Variants in XRCC4 observed in about 807,000 individuals in gnomAD.
The protein encoded by XRCC4 is X-ray repair cross complementing 4, also known as DNA repair protein XRCC4.
Under a neutral mutation model 39.1 loss-of-function variants are expected in XRCC4, and 28 were observed. That is an observed-to-expected ratio of 0.72 (90% CI 0.53 to 0.98). The LOEUF (loss-of-function observed/expected upper bound fraction) is 0.98, where lower values mean the gene tolerates loss of function less well. Ranked by LOEUF, XRCC4 falls within the 50% of genes least tolerant of loss-of-function variation. The probability of loss-of-function intolerance (pLI) is 0.00; values close to 1 mark genes in which losing one functional copy is unlikely to be tolerated. For missense variants in XRCC4, 350 were observed against 376.4 expected, an observed-to-expected ratio of 0.93 and a Z score of 0.58; for synonymous variants, 123 against 126.4, an observed-to-expected ratio of 0.97 and a Z score of 0.18.
chr5:83,224,203 G>T (rs761149832), intron 6 of XRCC4, among the ~76,000 whole-genome samples: 1 of 151,892 alleles, frequency 6.6e-6, no homozygotes, highest in Admixed American at 6.6e-5. Flanking sequence ...TGGATAATTC[G>T]TTCCCTTCTT....
At chr5:83,178,008 A>T (rs1161228525) in intron 3 of XRCC4, among the ~76,000 whole-genome samples, 1 of 152,134 alleles carries the variant, frequency 6.6e-6, no homozygotes, top group Non-Finnish European at 1.5e-5. Flanking sequence ...TGTAATTGAG[A>T]TTGAGATAAG....
At chr5:83,339,819 T>C (rs1756701182) in intron 7 of XRCC4, among the ~76,000 whole-genome samples, 1 of 152,170 alleles carries the variant, frequency 6.6e-6, no homozygotes, top group South Asian at 2.1e-4. Flanking sequence ...ACCATTGTAG[T>C]GAAACACAGC....
chr5:83,117,889 TC>T (rs985336397), intron 3 of XRCC4, among the ~76,000 whole-genome samples: 3 of 151,946 alleles, frequency 2.0e-5, no homozygotes, highest in Admixed American at 2.0e-4. Context: ...CCTGGTGCTC[TC>T]CCCTTGCCTG....
intron 7 of XRCC4, among the ~76,000 whole-genome samples, chr5:83,333,311 T>A (rs1052723769): frequency 1.3e-5 from 2 of 152,204 alleles, no homozygotes; most frequent in African/African-American, 4.8e-5. Flanking sequence ...AAAATGTCAA[T>A]ACCATAATGA....
At chr5:83,337,298 C>T (rs1232327159) in intron 7 of XRCC4, among the ~76,000 whole-genome samples, 2 of 152,116 alleles carry the variant, frequency 1.3e-5, no homozygotes, top group Non-Finnish European at 2.9e-5. Flanking sequence ...AAGATGTCCA[C>T]AATTAAGTCT....
At chr5:83,325,174 T>A (rs1019788667) in intron 7 of XRCC4, among the ~76,000 whole-genome samples, 2 of 152,118 alleles carry the variant, frequency 1.3e-5, no homozygotes, top group Non-Finnish European at 1.5e-5. Context: ...AGCATGCTGT[T>A]TTTTAGAGTC....
At chr5:83,314,562 G>A (rs140923568) in intron 7 of XRCC4, among the ~76,000 whole-genome samples, 64 of 152,068 alleles carry the variant, frequency 4.2e-4, no homozygotes, top group African/African-American at 1.4e-3. Flanking sequence ...GAACATCTCC[G>A]GCAACCCTGT....
At chr5:83,192,401 G>T (rs1750751039) in intron 3 of XRCC4, among the ~76,000 whole-genome samples, 1 of 150,576 alleles carries the variant, frequency 6.6e-6, no homozygotes, top group Non-Finnish European at 1.5e-5. Context: ...TCTGCCTCTT[G>T]GGTTCAAGCA....
intron 7 of XRCC4, among the ~76,000 whole-genome samples, chr5:83,263,415 T>G (rs1365305343): frequency 4.0e-5 from 6 of 151,478 alleles, no homozygotes; most frequent in South Asian, 4.2e-4. Context: ...CTGAGGAATC[T>G]CCACACTGAC....
intron 3 of XRCC4, among the ~76,000 whole-genome samples, chr5:83,185,574 A>G (rs1056580015): frequency 1.3e-5 from 2 of 151,816 alleles, no homozygotes; most frequent in African/African-American, 4.8e-5. Flanking sequence ...TCTTGGTAAA[A>G]CTAGATGATG....
intron 6 of XRCC4, among the ~76,000 whole-genome samples, chr5:83,218,965 A>G (rs1751977542): frequency 6.6e-6 from 1 of 152,138 alleles, no homozygotes; most frequent in Non-Finnish European, 1.5e-5. Context: ...GACTTGAACA[A>G]CAGAAATATA....
intron 3 of XRCC4, among the ~76,000 whole-genome samples, chr5:83,138,655 T>C (rs2112510043): frequency 6.6e-6 from 1 of 152,224 alleles, no homozygotes; most frequent in South Asian, 2.1e-4. Context: ...TGCCAGAAAA[T>C]TCAACAAAGG....
At chr5:83,183,799 A>G (rs1561387399) in intron 3 of XRCC4, among the ~76,000 whole-genome samples, 1 of 152,152 alleles carries the variant, frequency 6.6e-6, no homozygotes, top group Admixed American at 6.5e-5. Context: ...GTTACCGTCT[A>G]TCATACTCCC....
At chr5:83,285,570 G>A (rs910991099) in intron 7 of XRCC4, among the ~76,000 whole-genome samples, 1 of 151,964 alleles carries the variant, frequency 6.6e-6, no homozygotes, top group Non-Finnish European at 1.5e-5. Flanking sequence ...GTAACCTACT[G>A]GTTGACAGAA....
intron 6 of XRCC4, among the ~76,000 whole-genome samples, chr5:83,258,318 C>T (rs996746698): frequency 5.3e-5 from 8 of 152,152 alleles, no homozygotes; most frequent in Admixed American, 6.6e-5. Flanking sequence ...CAAATTATTC[C>T]GTGTGTACAA....
At chr5:83,227,927 G>A (rs1185364943) in intron 6 of XRCC4, among the ~76,000 whole-genome samples, 1 of 152,006 alleles carries the variant, frequency 6.6e-6, no homozygotes, top group African/African-American at 2.4e-5. Flanking sequence ...GGAGGATAGC[G>A]TACCTTCAGT....
chr5:83,323,588 AT>A lies in XRCC4; in HGVS notation c.894-29533del, dbSNP rs146144152. On this transcript the variant is annotated intron_variant, in intron 7 of 7. Coordinates refer to ENST00000396027, the MANE Select transcript of XRCC4 (RefSeq NM_003401.5). ...TAATAAAAATATTTCTCTTCTCTTC[AT>A]TTTTTTTTTGATTAATACAAATTTT... Among the ~76,000 whole-genome samples, 180 of 149,698 alleles carry A rather than the reference AT, an allele frequency of 1.2e-3. 2 individuals are homozygous for A. The highest frequency in any genetic ancestry group is 1.7e-3 in the Non-Finnish European group (117 of 67,146).
At chr5:83,097,288 T>C (rs1745720900) in intron 1 of XRCC4, among the ~76,000 whole-genome samples, 1 of 152,158 alleles carries the variant, frequency 6.6e-6, no homozygotes, top group Non-Finnish European at 1.5e-5. Flanking sequence ...GAAATGTTGG[T>C]AATTTTATAT....
At chr5:83,310,644 AG>A in intron 7 of XRCC4, 1 of 366,690 alleles carries the variant, frequency 2.7e-6, no homozygotes, top group Non-Finnish European at 5.4e-6. Flanking sequence ...AAAGATAATC[AG>A]GAGTGACTCC....
Sources: allele counts gnomAD v4.1 joint callset (sites outside exome capture counted in the v4.1 genomes callset), GRCh38; gene constraint gnomAD v4.1.1; transcripts MANE v1.5; gene names NCBI Gene and HGNC (gene_info 2026-07-23, HGNC 2026-07-21).